Variants in TUBGCP5 observed in about 807,000 individuals in gnomAD.
TUBGCP5 encodes the protein gamma-tubulin complex component 5.
Under a neutral mutation model 134.7 loss-of-function variants are expected in TUBGCP5, and 98 were observed. That is an observed-to-expected ratio of 0.73 (90% CI 0.62 to 0.86). TUBGCP5 has a LOEUF of 0.86. Ranked by LOEUF, TUBGCP5 falls within the 40% of genes least tolerant of loss-of-function variation. The probability of loss-of-function intolerance (pLI) is 0.00; values close to 1 mark genes in which losing one functional copy is unlikely to be tolerated. For missense variants in TUBGCP5, 1,150 were observed against 1,244.8 expected (o/e 0.92, Z 1.15); for synonymous variants, 456 against 431.4 (o/e 1.06, Z -0.71).
In TUBGCP5 at chr15:23,019,564, G is replaced by A. The variant is rs544930758; in HGVS notation, c.1372-230C>T. Among the ~76,000 whole-genome samples, 68 of 152,194 alleles carry A rather than the reference G, an allele frequency of 4.5e-4. 2 individuals are homozygous for A. The South Asian group carries it at 0.012, about 27-fold the overall frequency. On this transcript the variant is annotated intron_variant, in intron 11 of 22. Transcript: ENST00000615383. ...TGTGATCCCAGCACTTTGGGAGACC[G>A]AGGTGGGCGGATCACCTGAGGTAAG...
intron 23 of TUBGCP5, among the ~76,000 whole-genome samples, chr15:22,986,709 A>G (rs890520245): frequency 2.0e-5 from 3 of 151,492 alleles, no homozygotes; most frequent in Non-Finnish European, 2.9e-5. Context: ...CCGCACTCCA[A>G]CCTGGGCAAC....
chr15:23,010,140 G>A lies in TUBGCP5; in HGVS notation c.1956-7C>T. The A allele has an allele frequency of 1.2e-6, 2 of 1,606,214 alleles. No homozygotes were observed. The highest frequency in any genetic ancestry group is 1.7e-6 in the Non-Finnish European group (2 of 1,174,694). ...ACTCTGCTCCAAATACATCCTTCAA[G>A]ATAAAAATGTGAGTCTTCTTTTTAT... On this transcript the variant is annotated splice_polypyrimidine_tract_variant and splice_region_variant and intron_variant, in intron 14 of 22. Coordinates refer to ENST00000615383, the MANE Select transcript of TUBGCP5 (RefSeq NM_052903.6).
chr15:23,029,264 C>T (rs1274678043), intron 6 of TUBGCP5, among the ~76,000 whole-genome samples: 43 of 152,110 alleles, frequency 2.8e-4, no homozygotes, highest in Admixed American at 2.8e-3. Context: ...TCTTGTTGCC[C>T]AGGCTGGAGT....
At chr15:23,001,370 G>A (rs1263735624) in intron 21 of TUBGCP5, among the ~76,000 whole-genome samples, 1 of 148,020 alleles carries the variant, frequency 6.8e-6, no homozygotes, top group Non-Finnish European at 1.5e-5. Context: ...ACAGAGTTTC[G>A]CTCTTGTTGC....
At chr15:23,006,699 A>ACGAGCAGAGCAGCTCGACGGAGC in intron 16 of TUBGCP5, among the ~76,000 whole-genome samples, 1 of 152,194 alleles carries the variant, frequency 6.6e-6, no homozygotes, top group East Asian at 1.9e-4. Context: ...GCAGGAGAGG[A>ACGAGCAGAGCAGCTCGACGGAGC]CGAGCAGAGC....
chr15:23,015,669 G>A (rs1262627953), intron 13 of TUBGCP5, among the ~76,000 whole-genome samples: 2 of 152,092 alleles, frequency 1.3e-5, no homozygotes, highest in Non-Finnish European at 2.9e-5. Context: ...TTATAGGCGT[G>A]AGCCACCACG....
At chr15:23,034,824 C>T (rs1176253415) in intron 3 of TUBGCP5, among the ~76,000 whole-genome samples, 1 of 151,524 alleles carries the variant, frequency 6.6e-6, no homozygotes, top group South Asian at 2.1e-4. Flanking sequence ...AAGATTCCGT[C>T]TCAAAAAACA....
downstream of TUBGCP5, among the ~76,000 whole-genome samples, chr15:22,995,210 C>T (rs1181346755): frequency 6.6e-6 from 1 of 151,784 alleles, no homozygotes; most frequent in South Asian, 2.1e-4. Context: ...CACCATTGCA[C>T]TCCAGCCTGG....
intron 20 of TUBGCP5, among the ~76,000 whole-genome samples, chr15:23,003,595 T>C (rs2064516593): frequency 6.6e-6 from 1 of 151,586 alleles, no homozygotes; most frequent in Non-Finnish European, 1.5e-5. Flanking sequence ...ATGTTGCTCT[T>C]AGATACAATT....
At chr15:23,032,077 G>T in intron 4 of TUBGCP5, 48 bp from the exon 5 acceptor site, 2 of 1,412,252 alleles carry the variant, frequency 1.4e-6, no homozygotes, top group South Asian at 1.3e-5. Flanking sequence ...ATCTATCTTT[G>T]AAAAAAAACC....
At chr15:22,987,313 G>A (rs111252366) in intron 23 of TUBGCP5, among the ~76,000 whole-genome samples, 1,526 of 148,710 alleles carry the variant, frequency 0.01, 28 homozygotes, top group African/African-American at 0.037. Flanking sequence ...TCCAGCCTGG[G>A]CAACAAGAGC....
chr15:23,017,057 A>C (rs752882647), intron 13 of TUBGCP5, among the ~76,000 whole-genome samples: 30 of 150,100 alleles, frequency 2.0e-4, no homozygotes, highest in Non-Finnish European at 2.8e-4. Flanking sequence ...GGTGGACATT[A>C]AGTGAAATAA....
chr15:22,985,882 C>G (rs542329650), intron 23 of TUBGCP5, among the ~76,000 whole-genome samples: 1 of 148,958 alleles, frequency 6.7e-6, no homozygotes, highest in East Asian at 2.0e-4. Context: ...GCCTGTAATT[C>G]CAGCACTTTG....
chr15:23,011,363 A>G (rs1227989515), intron 13 of TUBGCP5, 32 bp from the exon 14 acceptor site: 1 of 1,541,742 alleles, frequency 6.5e-7, no homozygotes, highest in Admixed American at 1.7e-5. Context: ...AAGGTGAACT[A>G]AGTTCTGTTT....
chr15:23,023,782 A>C, intron 10 of TUBGCP5, 165 bp downstream of exon 10: 1 of 632,146 alleles, frequency 1.6e-6, no homozygotes, highest in Non-Finnish European at 2.5e-6. Flanking sequence ...ATTTTTAGAG[A>C]TATGAATGGC....
chr15:23,001,415 C>T (rs2064364974), intron 21 of TUBGCP5, among the ~76,000 whole-genome samples: 1 of 151,636 alleles, frequency 6.6e-6, no homozygotes. Flanking sequence ...TCTCGGCTCA[C>T]CACACCACAA....
At chr15:22,996,058 C>T (rs550916659), downstream of TUBGCP5, among the ~76,000 whole-genome samples, 3 of 152,328 alleles carry the variant, frequency 2.0e-5, no homozygotes, top group Non-Finnish European at 4.4e-5. Flanking sequence ...GCTTTTAGCT[C>T]TTATGAATAT....
intron 3 of TUBGCP5, 24 bp downstream of exon 3, chr15:23,036,873 G>A (rs2066618683): frequency 1.5e-6 from 2 of 1,370,430 alleles, no homozygotes; most frequent in Non-Finnish European, 2.1e-6. Flanking sequence ...ATACACAGTG[G>A]AGATCTCATA....
At chr15:23,009,400 C>A (rs906578229) in intron 15 of TUBGCP5, among the ~76,000 whole-genome samples, 4 of 151,870 alleles carry the variant, frequency 2.6e-5, no homozygotes, top group Non-Finnish European at 4.4e-5. Flanking sequence ...TCCAGAGTAA[C>A]TGGGACTACA....
Sources: allele counts gnomAD v4.1 joint callset (sites outside exome capture counted in the v4.1 genomes callset), GRCh38; gene constraint gnomAD v4.1.1; transcripts MANE v1.5; gene names NCBI Gene and HGNC (gene_info 2026-07-23, HGNC 2026-07-21).